GPHN: variants seen among roughly 807,000 people sequenced by gnomAD.
The protein encoded by GPHN is gephyrin.
A neutral mutation model predicts 95.5 loss-of-function variants in GPHN; 17 were observed. The observed-to-expected ratio is 0.18, with a 90% confidence interval of 0.12 to 0.27. The LOEUF is 0.27. GPHN is among the 10% of genes least tolerant of loss of function. The pLI is 1.00. For synonymous variants in GPHN, 320 were observed against 322.5 expected (o/e 0.99, Z 0.08); for missense variants, 660 against 978.1 (o/e 0.67, Z 4.34).
intron 12 of GPHN, among the ~76,000 whole-genome samples, chr14:67,095,156 A>T (rs1436846587): frequency 2.0e-5 from 3 of 152,218 alleles, no homozygotes; most frequent in Non-Finnish European, 4.4e-5. Flanking sequence ...CTTGGTGTTA[A>T]TGTAAAATTT....
chr14:67,310,499 G>A, the GPHN span, among the ~76,000 whole-genome samples: 1 of 152,148 alleles, frequency 6.6e-6, no homozygotes, highest in Non-Finnish European at 1.5e-5. Flanking sequence ...GGCCTCTGAG[G>A]TGTTGGTGAT....
chr14:67,346,121 A>T, the GPHN span, among the ~76,000 whole-genome samples: 5 of 152,156 alleles, frequency 3.3e-5, no homozygotes, highest in African/African-American at 1.2e-4. Context: ...CCTTCACTTC[A>T]CTAGCTTGAT....
At chr14:66,811,497 A>G (rs1033552088) in intron 3 of GPHN, among the ~76,000 whole-genome samples, 1 of 151,750 alleles carries the variant, frequency 6.6e-6, no homozygotes, top group Non-Finnish European at 1.5e-5. Flanking sequence ...TTTAGTAAGC[A>G]TGTATTTTAA....
the GPHN span, among the ~76,000 whole-genome samples, chr14:67,418,808 T>C: frequency 1.3e-5 from 2 of 152,192 alleles, no homozygotes; most frequent in South Asian, 2.1e-4. Flanking sequence ...CTCCCTGCCA[T>C]GGAGGGGTGG....
the GPHN span, chr14:67,334,582 G>A: frequency 3.7e-4 from 56 of 152,292 alleles, no homozygotes; most frequent in Middle Eastern, 0.017. Context: ...TTTATATGTC[G>A]CCTTTTTCTG....
At chr14:67,323,857 G>A in the GPHN span, 1 of 990,260 alleles carries the variant, frequency 1.0e-6, no homozygotes, top group Non-Finnish European at 1.5e-6. Context: ...AGGTAAACAT[G>A]AAACAGTCCT....
At chr14:66,524,535 C>T (rs1165743116) in intron 1 of GPHN, among the ~76,000 whole-genome samples, 1 of 151,938 alleles carries the variant, frequency 6.6e-6, no homozygotes, top group African/African-American at 2.4e-5. Flanking sequence ...TCTGGGGTAC[C>T]TGTGCAGAAC....
At chr14:66,670,780 A>T (rs1384983743) in intron 1 of GPHN, among the ~76,000 whole-genome samples, 1 of 152,186 alleles carries the variant, frequency 6.6e-6, no homozygotes, top group Non-Finnish European at 1.5e-5. Context: ...CGACAGAGCA[A>T]CACTCCATCT....
chr14:67,391,551 C>G, the GPHN span, among the ~76,000 whole-genome samples: 25 of 152,246 alleles, frequency 1.6e-4, no homozygotes, highest in Admixed American at 1.3e-4. Flanking sequence ...AAGCAGGTGA[C>G]AGCAACAGCA....
the GPHN span, chr14:67,645,608 C>T: frequency 2.5e-6 from 4 of 1,597,744 alleles, no homozygotes; most frequent in Middle Eastern, 1.7e-4. Flanking sequence ...GTTTGCCAAG[C>T]AGAGGGCCTT....
chr14:66,809,065 T>C (rs1374897018), intron 3 of GPHN, among the ~76,000 whole-genome samples: 2 of 152,162 alleles, frequency 1.3e-5, no homozygotes, highest in Admixed American at 1.3e-4. Flanking sequence ...TTAAAGGAGC[T>C]GTATGTTTTG....
chr14:67,255,323 A>G, the GPHN span, among the ~76,000 whole-genome samples: 1,774 of 152,320 alleles, frequency 0.012, 36 homozygotes, highest in African/African-American at 0.039. Context: ...TGAGTTTGTC[A>G]TTGTGAGTTA....
intron 9 of GPHN, among the ~76,000 whole-genome samples, chr14:66,976,490 G>A (rs577786978): frequency 9.9e-5 from 15 of 152,152 alleles, no homozygotes; most frequent in Admixed American, 9.2e-4. Flanking sequence ...TTAATATAGA[G>A]TACATCCCAT....
intron 1 of GPHN, among the ~76,000 whole-genome samples, chr14:66,648,602 A>G (rs1337956851): frequency 6.6e-6 from 1 of 152,208 alleles, no homozygotes; most frequent in Non-Finnish European, 1.5e-5. Flanking sequence ...GCTATACTAT[A>G]TAGCCTAGCT....
intron 2 of GPHN, among the ~76,000 whole-genome samples, chr14:66,689,668 C>T (rs1480031901): frequency 6.6e-6 from 1 of 152,066 alleles, no homozygotes; most frequent in Non-Finnish European, 1.5e-5. Context: ...ACAGTGAAGC[C>T]ATAGGGTCCC....
chr14:67,365,691 T>C, the GPHN span, among the ~76,000 whole-genome samples: 163 of 152,334 alleles, frequency 1.1e-3, no homozygotes, highest in African/African-American at 3.7e-3. Context: ...TCAGCCATCT[T>C]ACTATAATTT....
intron 1 of GPHN, among the ~76,000 whole-genome samples, chr14:66,642,692 A>G (rs992590422): frequency 1.3e-5 from 2 of 152,066 alleles, no homozygotes; most frequent in Non-Finnish European, 2.9e-5. Context: ...CAGAAGTAAA[A>G]GAAAACTATT....
the GPHN span, chr14:67,380,750 G>A: frequency 1.3e-6 from 2 of 1,529,940 alleles, no homozygotes; most frequent in Non-Finnish European, 1.8e-6. Context: ...CCCACAGGCT[G>A]TCAAAATTCG....
chr14:67,062,918 T>C (rs1173395557), intron 11 of GPHN, among the ~76,000 whole-genome samples: 1 of 152,184 alleles, frequency 6.6e-6, no homozygotes, highest in South Asian at 2.1e-4. Context: ...GAAAGTTCTT[T>C]AGTTTAATTA....
Sources: gnomAD v4.1 joint callset for allele counts (sites outside exome capture counted in the v4.1 genomes callset) on GRCh38, gnomAD v4.1.1 for gene constraint, MANE v1.5 for transcripts, NCBI Gene and HGNC (gene_info 2026-07-23, HGNC 2026-07-21) for gene names.